The following REPS2 variants were observed in gnomAD, a reference collection of about 807,000 sequenced individuals.
REPS2 encodes the protein ralBP1-associated Eps domain-containing protein 2.
Under a neutral mutation model 53.6 loss-of-function variants are expected in REPS2, and 23 were observed. The observed-to-expected ratio is 0.43, with a 90% CI of 0.31 to 0.61. REPS2 has a LOEUF of 0.61. REPS2 is among the 20% of genes least tolerant of loss of function. The probability of loss-of-function intolerance (pLI) is 0.11; values close to 1 mark genes in which losing one functional copy is unlikely to be tolerated. For missense variants in REPS2, 446 were observed against 534.9 expected (o/e 0.83, Z 1.64); for synonymous variants, 238 against 218.6 (o/e 1.09, Z -0.78).
At position 17,096,260 on chromosome X, in the gene REPS2, T is replaced by C. The variant is rs775404382; in HGVS notation, c.1517-7458T>C. Among the ~76,000 whole-genome samples the C allele has an allele frequency of 9.8e-5, 11 of 111,743 alleles. No individual in the cohort carries two copies. The South Asian group carries it at 3.0e-3, about 30-fold the overall frequency. ...GGTAAAGTTCCAAGGAATTTGAGTT[T>C]AGAGTCACAGGTTGCTAAGCACACT... On this transcript the variant is annotated intron_variant, in intron 13 of 17. Coordinates refer to ENST00000357277, the MANE Select transcript of REPS2 (RefSeq NM_004726.3).
intron 1 of REPS2, among the ~76,000 whole-genome samples, chrX:16,965,314 G>A (rs1472294858): frequency 2.7e-5 from 3 of 112,394 alleles, no homozygotes; most frequent in Non-Finnish European, 5.7e-5. Context: ...CGGGCGGGGG[G>A]CTGACCCCCC....
chrX:17,080,551 C>G (rs1374885564), intron 13 of REPS2, among the ~76,000 whole-genome samples: 1 of 111,844 alleles, frequency 8.9e-6, no homozygotes, highest in Non-Finnish European at 1.9e-5. Context: ...GTTGGAGTTG[C>G]AGGGTCAAAG....
intron 13 of REPS2, among the ~76,000 whole-genome samples, chrX:17,095,520 C>G (rs910852915): frequency 2.5e-5 from 1 of 40,199 alleles, no homozygotes; most frequent in South Asian, 2.3e-3. Context: ...CTGCTTCAAT[C>G]AGTCTTTTTT....
intron 6 of REPS2, among the ~76,000 whole-genome samples, chrX:17,050,197 T>TCTTTC (rs773752476): frequency 4.8e-4 from 22 of 46,087 alleles, no homozygotes; most frequent in East Asian, 2.3e-3. Flanking sequence ...TTTCTTTCTT[T>TCTTTC]TTTTTTTTTT....
At chrX:16,995,004 G>A (rs780664010) in intron 1 of REPS2, among the ~76,000 whole-genome samples, 2 of 112,246 alleles carry the variant, frequency 1.8e-5, no homozygotes, top group East Asian at 5.6e-4. Flanking sequence ...AAAGAAAAAT[G>A]GCAAATGTTC....
intron 16 of REPS2, chrX:17,135,703 G>T: frequency 4.1e-6 from 1 of 245,822 alleles, no homozygotes; most frequent in Non-Finnish European, 7.2e-6. Context: ...TCCTTGTGAG[G>T]GCCCAAATTT....
chrX:17,099,290 A>G (rs1434090665), intron 13 of REPS2, among the ~76,000 whole-genome samples: 1 of 111,429 alleles, frequency 9.0e-6, no homozygotes, highest in Admixed American at 9.6e-5. Context: ...CCAAATTTTA[A>G]TCAAAATGAT....
intron 1 of REPS2, among the ~76,000 whole-genome samples, chrX:16,951,295 C>G (rs181076521): frequency 9.0e-6 from 1 of 111,579 alleles, no homozygotes; most frequent in Non-Finnish European, 1.9e-5. Flanking sequence ...CCATTTTCCA[C>G]CTAGTGCTAG....
chrX:17,154,455 G>A (rs1227682479), downstream of REPS2, among the ~76,000 whole-genome samples: 1 of 112,289 alleles, frequency 8.9e-6, no homozygotes, highest in Non-Finnish European at 1.9e-5. Flanking sequence ...GCAGTGCAGA[G>A]TGGGATAGGT....
the REPS2 span, among the ~76,000 whole-genome samples, chrX:17,186,418 AC>A: frequency 3.6e-5 from 4 of 112,220 alleles, no homozygotes; most frequent in African/African-American, 1.3e-4. Context: ...CTTTATGACA[AC>A]CCTCTCTTGA....
intron 10 of REPS2, among the ~76,000 whole-genome samples, chrX:17,069,073 A>G (rs1157762788): frequency 8.9e-6 from 1 of 111,766 alleles, no homozygotes; most frequent in African/African-American, 3.3e-5. Context: ...CACCTCCTAT[A>G]CTTTGTATAG....
chrX:17,056,572 G>A (rs2062074008), intron 8 of REPS2, among the ~76,000 whole-genome samples: 2 of 110,743 alleles, frequency 1.8e-5, no homozygotes, highest in African/African-American at 6.6e-5. Context: ...GCGGGTGCCT[G>A]TAGTCCCAGC....
the REPS2 span, among the ~76,000 whole-genome samples, chrX:17,162,038 G>A: frequency 8.9e-6 from 1 of 112,114 alleles, no homozygotes; most frequent in Admixed American, 9.4e-5. Context: ...AGCCTGCAGA[G>A]TAAAGAAGTA....
At chrX:17,107,549 G>T (rs2062891104) in intron 14 of REPS2, among the ~76,000 whole-genome samples, 1 of 112,436 alleles carries the variant, frequency 8.9e-6, no homozygotes. Context: ...TGAGAGAGAT[G>T]AAGTATAGGT....
intron 7 of REPS2, among the ~76,000 whole-genome samples, chrX:17,053,734 T>C (rs1222299514): frequency 3.6e-5 from 4 of 111,838 alleles, no homozygotes; most frequent in East Asian, 5.6e-4. Context: ...GTCTAAACAT[T>C]GTTGGCATGA....
chrX:16,999,608 G>A (rs930595173), intron 1 of REPS2, among the ~76,000 whole-genome samples: 29 of 111,028 alleles, frequency 2.6e-4, no homozygotes, highest in Non-Finnish European at 4.3e-4. Context: ...ATGGCATCTT[G>A]GGGTATCTAA....
At chrX:17,070,041 T>TA (rs1569159576) in intron 11 of REPS2, 48 bp downstream of exon 11, 4 of 663,407 alleles carry the variant, frequency 6.0e-6, no homozygotes, top group East Asian at 4.1e-5. Flanking sequence ...TATTTTAAAA[T>TA]AAAAAAACAG....
chrX:17,101,052 CTTTCTTTTTT>C (rs2062788461), intron 13 of REPS2, among the ~76,000 whole-genome samples: 1 of 104,410 alleles, frequency 9.6e-6, no homozygotes, highest in Non-Finnish European at 2.0e-5. Context: ...TTTTCTTTTT[CTTTCTTTTTT>C]TTTTTTTTTG....
At chrX:17,102,871 C>T (rs942784373) in intron 13 of REPS2, among the ~76,000 whole-genome samples, 9 of 112,412 alleles carry the variant, frequency 8.0e-5, no homozygotes, top group South Asian at 3.7e-4. Flanking sequence ...GTTATTTGGA[C>T]GATGGTGTTT....
Sources: allele counts gnomAD v4.1 joint callset (sites outside exome capture counted in the v4.1 genomes callset), GRCh38; gene constraint gnomAD v4.1.1; transcripts MANE v1.5; gene names NCBI Gene and HGNC (gene_info 2026-07-23, HGNC 2026-07-21).